The following IFT88 variants were observed in gnomAD, a reference collection of about 807,000 sequenced individuals.
IFT88 encodes intraflagellar transport protein 88 homolog.
IFT88 carries 74 observed loss-of-function variants against 119.5 expected under a neutral mutation model. The observed-to-expected ratio is 0.62, with a 90% confidence interval of 0.51 to 0.75. IFT88 has a LOEUF of 0.75. Ranked by LOEUF, IFT88 falls within the 30% of genes least tolerant of loss-of-function variation. The pLI is 0.00. For missense variants in IFT88, 961 were observed against 977.7 expected, an observed-to-expected ratio of 0.98 and a Z score of 0.23; for synonymous variants, 279 against 316.7, an observed-to-expected ratio of 0.88 and a Z score of 1.26.
intron 24 of IFT88, among the ~76,000 whole-genome samples, chr13:20,673,929 T>C (rs2056285591): frequency 6.6e-6 from 1 of 152,236 alleles, no homozygotes; most frequent in Non-Finnish European, 1.5e-5. Flanking sequence ...GGCACAAATT[T>C]AAAGCACTCA....
intron 13 of IFT88, chr13:20,608,194 C>T (rs1047423566): frequency 3.5e-5 from 10 of 289,628 alleles, no homozygotes; most frequent in Non-Finnish European, 6.3e-5. Flanking sequence ...GCGACGGCTT[C>T]CCCTGCCCCC....
chr13:20,568,312 C>T (rs904980760), intron 1 of IFT88, among the ~76,000 whole-genome samples: 1 of 152,170 alleles, frequency 6.6e-6, no homozygotes, highest in Non-Finnish European at 1.5e-5. Context: ...ATCCAGAAAC[C>T]CTGGGTTGTA....
rs907550938 is a variant in IFT88 at position 20,567,165 on chromosome 13, C to G, written c.-98C>G. On this transcript the variant is annotated 5_prime_UTR_variant, in exon 1 of 26. Coordinates refer to ENST00000351808, the MANE Select transcript of IFT88 (RefSeq NM_006531.5). The stretch of plus-strand genomic sequence containing the variant: ...ACTGTGGGAGCGGCTTCCTTGGATT[C>G]CGCGCTTGGCAACGGCTCGGCGTCG... 2 of 152,342 alleles carry G rather than the reference C, an allele frequency of 1.3e-5. No homozygotes were observed. Among genetic ancestry groups the G allele is most frequent in the East Asian group, 3.9e-4 (2 of 5,142 alleles). 9.4% of individuals were successfully genotyped at this position (152,342 alleles called of 1,614,324 possible).
chr13:20,634,749 G>A (rs1179175664), intron 16 of IFT88, among the ~76,000 whole-genome samples: 1 of 144,538 alleles, frequency 6.9e-6, no homozygotes. Flanking sequence ...AAAAAAAAAA[G>A]AAGAAATGGA....
At chr13:20,591,747 T>C (rs2040722724) in intron 6 of IFT88, 66 bp downstream of exon 6, 2 of 984,894 alleles carry the variant, frequency 2.0e-6, no homozygotes, top group Non-Finnish European at 3.1e-6. Flanking sequence ...TTTTGTGATA[T>C]AAATATTACT....
In IFT88 at chr13:20,596,243, A is replaced by G; in HGVS notation, c.489+3A>G. 1 of 1,398,446 alleles carries G rather than the reference A, an allele frequency of 7.2e-7. No homozygotes were observed. The highest frequency in any genetic ancestry group is 9.9e-7 in the Non-Finnish European group (1 of 1,007,480). 86.6% of individuals were successfully genotyped at this position (1,398,446 alleles called of 1,614,324 possible). ...ATAGTTGTGGAGACTTAAAATTGGT[A>G]AGTTCATAAACAAGATTCAAAATTA... On this transcript the variant is annotated splice_donor_region_variant and intron_variant, in intron 8 of 25. Transcript: ENST00000351808.
chr13:20,605,257 T>A (rs535566041), intron 13 of IFT88, 152 bp downstream of exon 13: 1 of 421,818 alleles, frequency 2.4e-6, no homozygotes, highest in African/African-American at 2.1e-5. Flanking sequence ...TTACAGAACT[T>A]GTTATATTCA....
At chr13:20,577,154 T>C (rs2037552234) in intron 2 of IFT88, among the ~76,000 whole-genome samples, 1 of 152,236 alleles carries the variant, frequency 6.6e-6, no homozygotes, top group Non-Finnish European at 1.5e-5. Context: ...TCGTGATTTA[T>C]TTTCCAGATT....
intron 16 of IFT88, among the ~76,000 whole-genome samples, chr13:20,632,408 C>T (rs1443375101): frequency 6.6e-6 from 1 of 152,170 alleles, no homozygotes; most frequent in Non-Finnish European, 1.5e-5. Context: ...GGAACCCAGA[C>T]CTCACCATCT....
intron 22 of IFT88, among the ~76,000 whole-genome samples, chr13:20,663,070 A>C (rs7991727): frequency 0.99 from 150,598 of 152,342 alleles, 74,456 homozygotes; most frequent in East Asian, 1. Flanking sequence ...ATAATACTTA[A>C]TTTAAAAATG....
chr13:20,654,102 GT>G, intron 21 of IFT88, among the ~76,000 whole-genome samples, 174 bp downstream of exon 21: 1 of 151,792 alleles, frequency 6.6e-6, no homozygotes, highest in South Asian at 2.1e-4. Context: ...ATACAAAAAA[GT>G]TATGCTTACA....
rs191249857 is a variant in IFT88, at chr13:20,571,140, C to G, written c.-6-3240C>G. 4.5e-4 allele frequency among the ~76,000 whole-genome samples: 69 copies of G among 152,160 alleles called. 1 individual carries two copies. Among genetic ancestry groups the G allele is most frequent in the African/African-American group, 1.6e-3 (68 of 41,510 alleles). ...TCCTGAGTACCTGGGATTACAGGTGCCTGCTATCATGCCCGGCTAATTTTT... is the reference window on the plus strand; with the variant it reads ...TCCTGAGTACCTGGGATTACAGGTGGCTGCTATCATGCCCGGCTAATTTTT... On this transcript the variant is annotated intron_variant, in intron 1 of 25. Transcript: ENST00000351808.
At chr13:20,628,716 A>G (rs886102301) in intron 15 of IFT88, among the ~76,000 whole-genome samples, 1 of 152,204 alleles carries the variant, frequency 6.6e-6, no homozygotes, top group African/African-American at 2.4e-5. Flanking sequence ...GAAACGTATA[A>G]TATGAAGTGT....
At chr13:20,680,147 G>A (rs749032259) in intron 24 of IFT88, among the ~76,000 whole-genome samples, 3 of 152,196 alleles carry the variant, frequency 2.0e-5, no homozygotes, top group Non-Finnish European at 4.4e-5. Flanking sequence ...TTCGGTTACA[G>A]GAGCATAATA....
rs746017151 is a variant in IFT88, at chr13:20,690,741, A to C, written c.2279A>C (p.Glu760Ala). ...AACTATAGTGCCAGTAGTAAAGGTG[A>C]ACGACTAAGTGCCAGACTCAGAGCT... ...GQNYSASSKG[E>A]RLSARLRALP... Residue 760 changes from glutamate (E) to alanine (A), a missense_variant, in exon 25 of 26, where the codon GAA becomes GCA. Coordinates refer to ENST00000351808, the MANE Select transcript of IFT88 (RefSeq NM_006531.5). The C allele has an allele frequency of 3.7e-6, 6 of 1,613,702 alleles. No homozygotes were observed. In the African/African-American group the frequency reaches 6.7e-5, roughly 18 times the overall value.
At chr13:20,684,680 G>GT in intron 24 of IFT88, among the ~76,000 whole-genome samples, 1 of 152,278 alleles carries the variant, frequency 6.6e-6, no homozygotes, top group Middle Eastern at 3.4e-3. Context: ...AAGTCAGCTG[G>GT]TGCTAACCTT....
chr13:20,662,301 A>C (rs1327528555), intron 22 of IFT88, among the ~76,000 whole-genome samples: 1 of 151,956 alleles, frequency 6.6e-6, no homozygotes, highest in Non-Finnish European at 1.5e-5. Flanking sequence ...AAGGATACCC[A>C]CAAAAAAAAA....
chr13:20,583,024 G>T lies in IFT88; in HGVS notation c.153+5G>T. The stretch of plus-strand genomic sequence containing the variant: ...AGTCATGGCAGAAGACCTCCAGTAA[G>T]TGAAAAAAATTTTTTTTAAATTGTG... On this transcript the variant is annotated splice_donor_5th_base_variant and intron_variant, in intron 3 of 25. Transcript: ENST00000351808. 1 of 1,594,450 alleles carries T rather than the reference G, an allele frequency of 6.3e-7. No individual in the cohort carries two copies.
chr13:20,610,578 T>TG (rs2044310506), intron 13 of IFT88, among the ~76,000 whole-genome samples: 1 of 149,228 alleles, frequency 6.7e-6, no homozygotes, highest in African/African-American at 2.5e-5. Flanking sequence ...CTGATGTTAC[T>TG]GGAAAAAAAA....
Sources: gnomAD v4.1 joint callset for allele counts (sites outside exome capture counted in the v4.1 genomes callset) on GRCh38, gnomAD v4.1.1 for gene constraint, MANE v1.5 for transcripts, NCBI Gene and HGNC (gene_info 2026-07-23, HGNC 2026-07-21) for gene names.